MEGF6: variants seen among roughly 807,000 people sequenced by gnomAD.
MEGF6 encodes multiple epidermal growth factor-like domains protein 6.
Under a neutral mutation model 207.1 loss-of-function variants are expected in MEGF6, and 184 were observed. That is an observed-to-expected ratio of 0.89 (90% CI 0.79 to 1.00). The LOEUF is 1.00. Among genes scored for constraint, MEGF6 ranks in the 50% least tolerant of loss-of-function variants. The pLI is 0.00. For synonymous variants in MEGF6, 1,038 were observed against 910.0 expected, an observed-to-expected ratio of 1.14 and a Z score of -2.53; for missense variants, 2,282 against 2,202.9, an observed-to-expected ratio of 1.04 and a Z score of -0.72.
upstream of MEGF6, among the ~76,000 whole-genome samples, chr1:3,612,219 G>T (rs987020288): frequency 9.2e-5 from 14 of 152,190 alleles, no homozygotes; most frequent in Non-Finnish European, 1.6e-4. Context: ...TTCTTGGACA[G>T]TGGCCTGGAG....
At chr1:3,496,634 C>T (rs1335986016) in intron 29 of MEGF6, 21 bp downstream of exon 29, 1 of 1,569,586 alleles carries the variant, frequency 6.4e-7, no homozygotes, top group South Asian at 1.2e-5. Context: ...CCACTCAGCA[C>T]TGCTGCCACC....
At chr1:3,602,383 C>T in intron 2 of MEGF6, 83 bp downstream of exon 2, 2 of 1,587,992 alleles carry the variant, frequency 1.3e-6, no homozygotes, top group Non-Finnish European at 1.7e-6. Flanking sequence ...GGGGTCCTGG[C>T]CTCAGCTGCC....
Position 3,507,801 on chromosome 1 carries a change from C to T in MEGF6, c.1783G>A (p.Glu595Lys), listed in dbSNP as rs1641170157. Reference protein sequence around the residue: ...CPPGVSGTNCEDGCPKGYYGK... With the variant: ...CPPGVSGTNCKDGCPKGYYGK... ...CAGAAGAGGCTGCACGCACCATCCT[C>T]ACAGTTAGTTCCACTGACACCCGGG... The change falls in exon 14 of 37, where the codon GAG (glutamate) becomes AAG (lysine). Residue 595 changes from glutamate (E) to lysine (K), a missense_variant. Physicochemically the swap from Glu to Lys is moderately conservative, Grantham distance 56. Coordinates refer to ENST00000356575, the MANE Select transcript of MEGF6 (RefSeq NM_001409.4). 6.2e-7 allele frequency: 1 copy of T among 1,612,814 alleles called. No homozygotes were observed. The highest frequency in any genetic ancestry group is 8.5e-7 in the Non-Finnish European group (1 of 1,179,904).
upstream of MEGF6, among the ~76,000 whole-genome samples, chr1:3,612,291 A>G (rs1644339231): frequency 6.6e-6 from 1 of 151,916 alleles, no homozygotes; most frequent in African/African-American, 2.4e-5. Context: ...TAGGGTGCCC[A>G]TGGGCACAGA....
intron 34 of MEGF6, 73 bp from the exon 35 acceptor site, chr1:3,492,840 T>A: frequency 6.4e-7 from 1 of 1,557,524 alleles, no homozygotes; most frequent in East Asian, 2.3e-5. Context: ...AGCCTGGGCC[T>A]AGGGGCCCGC....
At chr1:3,506,687 C>A (rs1641131973) in intron 14 of MEGF6, among the ~76,000 whole-genome samples, 1 of 152,184 alleles carries the variant, frequency 6.6e-6, no homozygotes, top group African/African-American at 2.4e-5. Flanking sequence ...CCAAACAATT[C>A]TCTCTGGCTG....
At position 3,490,435 on chromosome 1, in the gene MEGF6, C is replaced by A; in HGVS notation, c.*93G>T. On this transcript the variant is annotated 3_prime_UTR_variant, in exon 37 of 37. Coordinates refer to ENST00000356575, the MANE Select transcript of MEGF6 (RefSeq NM_001409.4). ...CAAAGGAAGGGCAGTACCAGGAGCT[C>A]TGGGCCCGTGAAGTGTCCTTCTCAG... is the stretch of plus-strand genomic sequence containing the variant. 7.1e-7 allele frequency: 1 copy of A among 1,400,956 alleles called. No homozygotes were observed. Among genetic ancestry groups the A allele is most frequent in the Non-Finnish European group, 9.9e-7 (1 of 1,007,760 alleles). 86.8% of individuals were successfully genotyped at this position (1,400,956 alleles called of 1,614,324 possible).
intron 5 of MEGF6, among the ~76,000 whole-genome samples, chr1:3,523,520 G>A (rs1641843172): frequency 6.6e-6 from 1 of 152,126 alleles, no homozygotes; most frequent in Non-Finnish European, 1.5e-5. Context: ...GGAAGCTGAG[G>A]GACAGGGTCC....
rs921578457 is a variant in MEGF6, at chr1:3,489,384, C to A, written c.*1144G>T. Among the ~76,000 whole-genome samples the A allele has an allele frequency of 1.3e-5, 2 of 152,194 alleles. No individual in the cohort carries two copies. Among genetic ancestry groups the A allele is most frequent in the African/African-American group, 4.8e-5 (2 of 41,442 alleles). ...TTAAGGGAGAGAGAGTCCTATGTTG[C>A]GGTGTGAGTGCAGCCCTCTCCATTG... On this transcript the variant is annotated 3_prime_UTR_variant, in exon 37 of 37. Transcript: ENST00000356575.
Position 3,494,712 on chromosome 1 carries a change from A to G in MEGF6, c.3901T>C (p.Cys1301Arg), listed in dbSNP as rs1376804905. The stretch of plus-strand genomic sequence containing the variant: ...TTTCTGCAGGAGCAGGTGTGCTCGC[A>G]GCCCACGCCAAACCGGTTCTGGGGG... ...GCPQNRFGVG[C>R]EHTCSCRNGG... The change falls in exon 31 of 37, where the codon TGC becomes CGC. Residue 1301 changes from cysteine (C) to arginine (R), a missense_variant. Coordinates refer to ENST00000356575, the MANE Select transcript of MEGF6 (RefSeq NM_001409.4). 1.3e-6 allele frequency: 2 copies of G among 1,589,180 alleles called. No individual in the cohort carries two copies. Among genetic ancestry groups the G allele is most frequent in the Non-Finnish European group, 1.7e-6 (2 of 1,169,256 alleles).
At chr1:3,569,610 G>A (rs143687793) in intron 4 of MEGF6, among the ~76,000 whole-genome samples, 3,219 of 152,346 alleles carry the variant, frequency 0.021, 51 homozygotes, top group South Asian at 0.038. Flanking sequence ...GGAGACTGGG[G>A]GGCCACGGGG....
chr1:3,555,935 G>C (rs1009285436), intron 4 of MEGF6, among the ~76,000 whole-genome samples: 1 of 152,228 alleles, frequency 6.6e-6, no homozygotes, highest in Non-Finnish European at 1.5e-5. Context: ...CATCATCTCT[G>C]GGGGAGGGAC....
intron 4 of MEGF6, among the ~76,000 whole-genome samples, chr1:3,576,058 C>A (rs1264102349): frequency 6.6e-6 from 1 of 152,260 alleles, no homozygotes; most frequent in African/African-American, 2.4e-5. Context: ...GTCACACAGG[C>A]ACAGGCCTGG....
intron 3 of MEGF6, among the ~76,000 whole-genome samples, chr1:3,585,415 ACATGTCCTGTGTGTGGGTGTCTGGACG>A (rs1219946185): frequency 2.9e-5 from 4 of 139,276 alleles, no homozygotes; most frequent in Non-Finnish European, 6.1e-5. Flanking sequence ...TGTGAGTGAC[ACATGTCCTGTGTGTGGGTGTCTGGACG>A]CATGTCCTGT....
intron 36 of MEGF6, 28 bp from the exon 37 acceptor site, chr1:3,490,617 T>A: frequency 6.2e-7 from 1 of 1,609,872 alleles, no homozygotes; most frequent in Non-Finnish European, 8.5e-7. Context: ...AGAGGGCCAG[T>A]CCAGGGTGGG....
chr1:3,622,781 CTGTTGTTTTTAAAACAGT>C, the MEGF6 span, among the ~76,000 whole-genome samples: 1 of 152,232 alleles, frequency 6.6e-6, no homozygotes, highest in African/African-American at 2.4e-5. Flanking sequence ...AAACACGTTT[CTGTTGTTTTTAAAACAGT>C]TGTTGTTTTT....
At chr1:3,501,961 GGA>G (rs773852724) in intron 17 of MEGF6, 40 bp from the exon 18 acceptor site, 1 of 1,516,196 alleles carries the variant, frequency 6.6e-7, no homozygotes, top group Non-Finnish European at 8.8e-7. Flanking sequence ...CGCACCACGT[GGA>G]GTGGACTGAC....
intron 2 of MEGF6, 77 bp from the exon 3 acceptor site, chr1:3,595,524 G>T: frequency 7.9e-7 from 1 of 1,263,480 alleles, no homozygotes. Flanking sequence ...CCCCTGGGGA[G>T]ACTGACTCTG....
At position 3,499,037 on chromosome 1, in the gene MEGF6, C is replaced by T; in HGVS notation, c.3094+101G>A. 1.3e-5 allele frequency: 20 copies of T among 1,501,400 alleles called. No homozygotes were observed. The South Asian group carries it at 2.1e-4, about 16-fold the overall frequency. The allele number at this position is 1,501,400 out of a possible 1,614,324, so 93.0% of individuals were successfully genotyped here. A position where few individuals can be genotyped will look rare whatever the true frequency, so the allele number is the denominator to read the frequency against. ...CGGTCCTCAGTCCTAACAGCCCCTTCCTCCCTCCCCCAGGCACCAAGTGTC... is the reference window on the plus strand; with the variant it reads ...CGGTCCTCAGTCCTAACAGCCCCTTTCTCCCTCCCCCAGGCACCAAGTGTC... On this transcript the variant is annotated intron_variant, in intron 24 of 36. Transcript: ENST00000356575.
Sources: allele counts gnomAD v4.1 joint callset (sites outside exome capture counted in the v4.1 genomes callset), GRCh38; gene constraint gnomAD v4.1.1; transcripts MANE v1.5; gene names NCBI Gene and HGNC (gene_info 2026-07-23, HGNC 2026-07-21).